The following DIO2 variants were observed in gnomAD, a reference collection of about 807,000 sequenced individuals.
The protein encoded by DIO2 is type II iodothyronine deiodinase.
Under a neutral mutation model 21.4 loss-of-function variants are expected in DIO2, and 19 were observed. The ratio of observed to expected loss-of-function variants is 0.89; its 90% CI spans 0.62 to 1.30. The LOEUF (loss-of-function observed/expected upper bound fraction) is 1.30, where lower values mean the gene tolerates loss of function less well. Among genes scored for constraint, DIO2 ranks in the 50% most tolerant of loss-of-function variants. The pLI is 0.00. For missense variants in DIO2, 302 were observed against 338.1 expected, an observed-to-expected ratio of 0.89 and a Z score of 0.84; for synonymous variants, 122 against 132.9, an observed-to-expected ratio of 0.92 and a Z score of 0.57.
intron 2 of DIO2, among the ~76,000 whole-genome samples, chr14:80,229,987 G>T (rs937948767): frequency 2.6e-5 from 4 of 152,190 alleles, no homozygotes; most frequent in African/African-American, 7.2e-5. Flanking sequence ...GAAGCAAACA[G>T]GGGTGTTGGG....
At chr14:80,216,373 G>A (rs943831091), upstream of DIO2, among the ~76,000 whole-genome samples, 3 of 151,912 alleles carry the variant, frequency 2.0e-5, no homozygotes, top group Non-Finnish European at 4.4e-5. Context: ...AGCCACCACC[G>A]CATTTCACAG....
chr14:80,212,590 T>A (rs1360501075), upstream of DIO2, among the ~76,000 whole-genome samples: 1 of 152,074 alleles, frequency 6.6e-6, no homozygotes, highest in Non-Finnish European at 1.5e-5. Flanking sequence ...TCACAGGCGG[T>A]CTTTGCTCTG....
chr14:80,220,221 C>A (rs1284027224), intron 2 of DIO2, among the ~76,000 whole-genome samples: 1 of 152,120 alleles, frequency 6.6e-6, no homozygotes, highest in Non-Finnish European at 1.5e-5. Flanking sequence ...ACTACAGGCG[C>A]CCGCCACCAT....
rs1453904790 is a variant in DIO2, at chr14:80,200,514, A to G, written c.*2175T>C. The G allele has an allele frequency of 6.6e-6, 1 of 152,332 alleles. No individual in the cohort carries two copies. Among genetic ancestry groups the G allele is most frequent in the African/African-American group, 2.4e-5 (1 of 41,452 alleles). The allele number at this position is 152,332 out of a possible 1,614,324, so 9.4% of individuals were successfully genotyped here. ...AGGACAACAGTGTGAATGTGCTGCAACCAGGTTTTTTATTTTACTGCTTTA... is the reference window on the plus strand; with the variant it reads ...AGGACAACAGTGTGAATGTGCTGCAGCCAGGTTTTTTATTTTACTGCTTTA... On this transcript the variant is annotated 3_prime_UTR_variant, in exon 2 of 2. Coordinates refer to ENST00000438257, the MANE Select transcript of DIO2 (RefSeq NM_013989.5).
chr14:80,224,885 A>G (rs1182266216), intron 2 of DIO2, among the ~76,000 whole-genome samples: 1 of 152,118 alleles, frequency 6.6e-6, no homozygotes, highest in Admixed American at 6.5e-5. Context: ...TTAAGTATTA[A>G]CTTACATGAT....
At chr14:80,225,008 C>G (rs1046858410) in intron 2 of DIO2, among the ~76,000 whole-genome samples, 5 of 152,166 alleles carry the variant, frequency 3.3e-5, no homozygotes, top group Non-Finnish European at 7.3e-5. Context: ...GCATGCAGCA[C>G]AGGAGAAAGA....
At chr14:80,224,454 T>C (rs1165745383) in intron 2 of DIO2, among the ~76,000 whole-genome samples, 1 of 151,322 alleles carries the variant, frequency 6.6e-6, no homozygotes, top group East Asian at 1.9e-4. Flanking sequence ...GGTCCTTAAA[T>C]GCCACCTCAT....
At chr14:80,209,932 G>A (rs566939045) in intron 1 of DIO2, among the ~76,000 whole-genome samples, 2 of 152,128 alleles carry the variant, frequency 1.3e-5, no homozygotes, top group East Asian at 1.9e-4. Context: ...TTTTCTTGGC[G>A]CATGGTTTTA....
upstream of DIO2, chr14:80,211,507 T>G (rs1316708471): frequency 7.7e-7 from 1 of 1,302,188 alleles, no homozygotes; most frequent in Non-Finnish European, 1.0e-6. Flanking sequence ...CCTTGTGCGC[T>G]CTGGTTCCCC....
rs561043503 is a variant in DIO2 at position 80,200,729 on chromosome 14, AG to A, written c.*1959del. 1.4e-4 allele frequency: 22 copies of A among 152,344 alleles called. No individual in the cohort carries two copies. The highest frequency in any genetic ancestry group is 6.5e-4 in the Admixed American group (10 of 15,300). 9.4% of individuals were successfully genotyped at this position (152,344 alleles called of 1,614,324 possible). A position where few individuals can be genotyped will look rare whatever the true frequency, so the allele number is the denominator to read the frequency against. On this transcript the variant is annotated 3_prime_UTR_variant, in exon 2 of 2. Coordinates refer to ENST00000438257, the MANE Select transcript of DIO2 (RefSeq NM_013989.5). ...TGGTTTTTATAGAATTTAGAACATT[AG>A]AAAGCTGATGTTGCCATGAAAAATC...
chr14:80,211,502 T>G lies in DIO2; in HGVS notation c.-30A>C. ...TCTGCCTCCTGAGTCAGTTCCCTTG[T>G]GCGCTCTGGTTCCCCTTCACCCTCT... On this transcript the variant is annotated 5_prime_UTR_variant, in exon 1 of 2. Coordinates refer to ENST00000438257, the MANE Select transcript of DIO2 (RefSeq NM_013989.5). The G allele has an allele frequency of 7.7e-7, 1 of 1,306,564 alleles. No individual in the cohort carries two copies. Among genetic ancestry groups the G allele is most frequent in the Non-Finnish European group, 1.0e-6 (1 of 984,736 alleles). The allele number at this position is 1,306,564 out of a possible 1,614,324, so 80.9% of individuals were successfully genotyped here. A position where few individuals can be genotyped will look rare whatever the true frequency, so the allele number is the denominator to read the frequency against.
At chr14:80,211,159 C>G in intron 1 of DIO2, 92 bp downstream of exon 1, 1 of 1,244,770 alleles carries the variant, frequency 8.0e-7, no homozygotes. Flanking sequence ...CTTCACAGCT[C>G]TCCCCCCAAT....
intron 1 of DIO2, among the ~76,000 whole-genome samples, chr14:80,210,672 G>A (rs188764247): frequency 6.7e-6 from 1 of 150,130 alleles, no homozygotes; most frequent in East Asian, 1.9e-4. Context: ...AATCAATGTA[G>A]AGGAGGTGGC....
At chr14:80,213,901 A>C (rs1936148135), upstream of DIO2, among the ~76,000 whole-genome samples, 1 of 152,232 alleles carries the variant, frequency 6.6e-6, no homozygotes, top group African/African-American at 2.4e-5. Context: ...AAATTGTTAA[A>C]AGACTTCAAA....
Position 80,202,739 on chromosome 14 carries a change from G to A in DIO2, c.772C>T (p.Leu258=). 6.2e-7 allele frequency: 1 copy of A among 1,613,788 alleles called. No homozygotes were observed. The change falls in exon 2 of 2, where the codon CTG becomes TTG. Residue 258 remains leucine (L), a synonymous_variant. Transcript: ENST00000438257. ...SYNLQEVRHW[L]EKNFSKRUKK... is the part of the protein sequence containing the mutation. ...CATCTCTTGCTGAAATTCTTCTCCA[G>A]CCAATGCCGGACTTCTTGAAGGTTG...
chr14:80,205,534 C>A (rs1887914962), intron 1 of DIO2: 1 of 1,141,222 alleles, frequency 8.8e-7, no homozygotes, highest in Admixed American at 3.9e-5. Flanking sequence ...TTGATCCTTT[C>A]ATTATGTCTG....
rs1319868505 is a variant in DIO2, at chr14:80,202,127, T to C, written c.*562A>G. The C allele has an allele frequency of 3.1e-6, 1 of 326,478 alleles. No homozygotes were observed. Among genetic ancestry groups the C allele is most frequent in the South Asian group, 2.4e-5 (1 of 41,012 alleles). 20.2% of individuals were successfully genotyped at this position (326,478 alleles called of 1,614,324 possible). On this transcript the variant is annotated 3_prime_UTR_variant, in exon 2 of 2. Transcript: ENST00000438257. ...AAATATACCAATAATTTCTGGGGTA[T>C]GAAGACTGAGAGCACTACATGGCTA... is the stretch of plus-strand genomic sequence containing the variant.
chr14:80,219,739 G>T (rs1158233617), intron 2 of DIO2, among the ~76,000 whole-genome samples: 4 of 152,034 alleles, frequency 2.6e-5, no homozygotes, highest in Non-Finnish European at 5.9e-5. Context: ...TATAGAGAAA[G>T]AATTACCCAA....
intron 2 of DIO2, chr14:80,231,027 G>A (rs1436019112): frequency 6.6e-6 from 1 of 152,200 alleles, no homozygotes; most frequent in East Asian, 1.9e-4. Flanking sequence ...ACTGAAGAAA[G>A]ATGTAGGCTG....
Sources: gnomAD v4.1 joint callset for allele counts (sites outside exome capture counted in the v4.1 genomes callset) on GRCh38, gnomAD v4.1.1 for gene constraint, MANE v1.5 for transcripts, NCBI Gene and HGNC (gene_info 2026-07-23, HGNC 2026-07-21) for gene names.